Variants in TUSC3 observed in about 807,000 individuals in gnomAD.
The protein encoded by TUSC3 is dolichyl-diphosphooligosaccharide--protein glycosyltransferase subunit TUSC3.
TUSC3 carries 45 observed loss-of-function variants against 44.8 expected under a neutral mutation model. That is an observed-to-expected ratio of 1.00 (90% confidence interval 0.79 to 1.29). TUSC3 has a LOEUF of 1.29. TUSC3 is among the 50% of genes most tolerant of loss of function. The pLI, the probability that TUSC3 is intolerant of heterozygous loss-of-function variation, is 0.00. For synonymous variants in TUSC3, 212 were observed against 152.9 expected (o/e 1.39, Z -2.85); for missense variants, 519 against 437.9 (o/e 1.19, Z -1.65).
intron 10 of TUSC3, among the ~76,000 whole-genome samples, chr8:15,762,904 T>TTCG (rs10683971): frequency 0.74 from 100,198 of 135,334 alleles, 33,401 homozygotes; most frequent in East Asian, 0.78. Context: ...ACTGCTGACA[T>TTCG]TCTTCATGGA....
chr8:15,423,762 A>AAGTCTGAG (rs1487975870), intron 1 of TUSC3, among the ~76,000 whole-genome samples: 1 of 152,000 alleles, frequency 6.6e-6, no homozygotes, highest in Non-Finnish European at 1.5e-5. Context: ...CTGAAGAAGT[A>AAGTCTGAG]AGTCTGAGGT....
chr8:15,437,178 G>A (rs1191980427), intron 1 of TUSC3, among the ~76,000 whole-genome samples: 4 of 152,122 alleles, frequency 2.6e-5, no homozygotes, highest in African/African-American at 9.7e-5. Context: ...TAGTCCCATA[G>A]TAATTGTATT....
intron 2 of TUSC3, among the ~76,000 whole-genome samples, chr8:15,506,482 C>T (rs1399199688): frequency 1.3e-5 from 2 of 152,224 alleles, no homozygotes; most frequent in East Asian, 3.9e-4. Context: ...CATTTTCATG[C>T]TGTTATGAAG....
intron 2 of TUSC3, among the ~76,000 whole-genome samples, chr8:15,634,641 A>G (rs1393996490): frequency 2.0e-5 from 3 of 152,154 alleles, no homozygotes; most frequent in Admixed American, 2.0e-4. Context: ...GTGTTTTTTC[A>G]TGTGAGGAAG....
the TUSC3 span, among the ~76,000 whole-genome samples, chr8:15,840,882 G>C: frequency 6.4e-4 from 97 of 152,260 alleles, no homozygotes; most frequent in African/African-American, 2.2e-3. Context: ...AGTAAAGTCA[G>C]TAATTTAATG....
In TUSC3 at chr8:15,743,556, G is replaced by C; in HGVS notation, c.881G>C (p.Gly294Ala). The C allele has an allele frequency of 6.2e-7, 1 of 1,613,824 alleles. No homozygotes were observed. The highest frequency in any genetic ancestry group is 2.2e-5 in the East Asian group (1 of 44,860). ...ILVLNAAITM[G>A]MVLLNEAATS... ...ACTGCAGATGCCGCTATCACCATGG[G>C]GATGGTTCTTCTAAATGAAGCAGCA... Residue 294 changes from glycine to alanine, a missense_variant, in exon 8 of 11, where the codon GGG becomes GCG. Gly to Ala is a moderately conservative substitution (Grantham distance 60). Coordinates refer to ENST00000503731, the MANE Select transcript of TUSC3 (RefSeq NM_006765.4).
intron 1 of TUSC3, among the ~76,000 whole-genome samples, chr8:15,619,202 T>C (rs1805131452): frequency 6.6e-6 from 1 of 152,198 alleles, no homozygotes; most frequent in South Asian, 2.1e-4. Context: ...GAGATTTCAG[T>C]TCTTATTTTC....
intron 1 of TUSC3, among the ~76,000 whole-genome samples, chr8:15,569,770 T>C (rs1247834834): frequency 3.9e-5 from 6 of 152,144 alleles, no homozygotes; most frequent in Admixed American, 3.3e-4. Context: ...GGAATCTCAG[T>C]TGAAAATTTT....
chr8:15,699,937 A>G (rs73197139), intron 6 of TUSC3, among the ~76,000 whole-genome samples: 25,923 of 152,202 alleles, frequency 0.17, 2,207 homozygotes, highest in Middle Eastern at 0.22. Flanking sequence ...CCCATTTTTT[A>G]TAAACGGGAC....
In TUSC3 at chr8:15,671,901, CCTCTTTAT is replaced by C. The variant is rs3838214; in HGVS notation, c.709-1843_709-1836del. Among the ~76,000 whole-genome samples, 736 of 152,078 alleles carry C rather than the reference CCTCTTTAT, an allele frequency of 4.8e-3. 19 individuals carry two copies. In the East Asian group the frequency reaches 0.071, roughly 15 times the overall value. On this transcript the variant is annotated intron_variant, in intron 5 of 10. Transcript: ENST00000503731. ...AGGATTTCTAGCTGAGGATGGCAAG[CCTCTTTAT>C]CTTATTCATTCTTACATCTCTAGAG... is the stretch of plus-strand genomic sequence containing the variant.
At chr8:15,550,570 C>T (rs956811691) in intron 1 of TUSC3, among the ~76,000 whole-genome samples, 1 of 151,788 alleles carries the variant, frequency 6.6e-6, no homozygotes, top group Admixed American at 6.6e-5. Context: ...TACCCTCCTA[C>T]CCTGCCCCCA....
chr8:15,434,446 C>A (rs1043288277), intron 1 of TUSC3, among the ~76,000 whole-genome samples: 10 of 151,136 alleles, frequency 6.6e-5, no homozygotes, highest in Non-Finnish European at 1.5e-4. Flanking sequence ...TAATGTCTTT[C>A]AAAGATGAAA....
chr8:15,476,052 T>C (rs994442423), intron 1 of TUSC3, among the ~76,000 whole-genome samples: 1 of 152,224 alleles, frequency 6.6e-6, no homozygotes, highest in Non-Finnish European at 1.5e-5. Context: ...CCTTGTTTGC[T>C]CCTACTTAGA....
At chr8:15,526,743 G>T (rs1801377944) in intron 2 of TUSC3, among the ~76,000 whole-genome samples, 1 of 152,108 alleles carries the variant, frequency 6.6e-6, no homozygotes, top group Non-Finnish European at 1.5e-5. Context: ...TTCATCAGCA[G>T]CATGATAACA....
At chr8:15,648,226 T>C (rs1806715751) in intron 2 of TUSC3, among the ~76,000 whole-genome samples, 1 of 152,206 alleles carries the variant, frequency 6.6e-6, no homozygotes, top group Non-Finnish European at 1.5e-5. Flanking sequence ...GTGTTTTATT[T>C]GGGCAGTCAT....
chr8:15,513,922 C>G (rs78090730), intron 2 of TUSC3, among the ~76,000 whole-genome samples: 3,254 of 152,252 alleles, frequency 0.021, 126 homozygotes, highest in African/African-American at 0.075. Context: ...CATGCCTCAG[C>G]TTCTCTTCCT....
intron 1 of TUSC3, among the ~76,000 whole-genome samples, chr8:15,568,336 G>A (rs1023245180): frequency 6.6e-6 from 1 of 152,128 alleles, no homozygotes; most frequent in Admixed American, 6.6e-5. Context: ...TAAACAAAAT[G>A]TATAAAAATT....
chr8:15,683,019 TG>T (rs1409945441), intron 6 of TUSC3, among the ~76,000 whole-genome samples: 1 of 152,172 alleles, frequency 6.6e-6, no homozygotes, highest in Admixed American at 6.6e-5. Context: ...GGAAGTACTA[TG>T]TTAGCCTGAT....
intron 1 of TUSC3, among the ~76,000 whole-genome samples, chr8:15,604,090 G>A (rs540326123): frequency 9.9e-5 from 15 of 151,774 alleles, no homozygotes; most frequent in African/African-American, 3.4e-4. Flanking sequence ...ACCTATAAGC[G>A]TCAATATGCA....
Sources: gnomAD v4.1 joint callset for allele counts (sites outside exome capture counted in the v4.1 genomes callset) on GRCh38, gnomAD v4.1.1 for gene constraint, MANE v1.5 for transcripts, NCBI Gene and HGNC (gene_info 2026-07-23, HGNC 2026-07-21) for gene names.